Variants in AVEN observed in about 807,000 individuals in gnomAD.
AVEN encodes cell death regulator Aven.
AVEN carries 41 observed loss-of-function variants against 38.1 expected under a neutral mutation model. The observed-to-expected ratio is 1.08, with a 90% confidence interval of 0.84 to 1.40. The LOEUF (loss-of-function observed/expected upper bound fraction) is 1.40, where lower values mean the gene tolerates loss of function less well. Among genes scored for constraint, AVEN ranks in the 40% most tolerant of loss-of-function variants. The pLI is 0.00. For synonymous variants in AVEN, 206 were observed against 171.8 expected (o/e 1.20, Z -1.56); for missense variants, 605 against 438.8 (o/e 1.38, Z -3.38).
At chr15:34,006,005 G>A (rs1897320695) in intron 1 of AVEN, among the ~76,000 whole-genome samples, 1 of 152,078 alleles carries the variant, frequency 6.6e-6, no homozygotes, top group Non-Finnish European at 1.5e-5. Flanking sequence ...ACAAATACCA[G>A]GAACATTCTA....
At chr15:33,885,838 C>T (rs1891677492) in intron 2 of AVEN, 2 of 152,182 alleles carry the variant, frequency 1.3e-5, no homozygotes. Context: ...CAGCTGTTTT[C>T]CCCAAAACAG....
At chr15:33,983,193 T>A (rs1896252532) in intron 2 of AVEN, among the ~76,000 whole-genome samples, 1 of 55,040 alleles carries the variant, frequency 1.8e-5, no homozygotes, top group Non-Finnish European at 2.8e-5. Context: ...CGTGTGTGTA[T>A]GTGTGTGTAT....
At chr15:33,868,359 TAAACAAACAAAC>T (rs113504638) in intron 4 of AVEN, among the ~76,000 whole-genome samples, 6 of 150,874 alleles carry the variant, frequency 4.0e-5, no homozygotes, top group South Asian at 2.1e-4. Context: ...CTGTCTCTAC[TAAACAAACAAAC>T]AAACAAACAA....
intron 1 of AVEN, among the ~76,000 whole-genome samples, chr15:34,014,954 G>C (rs1350251547): frequency 1.3e-5 from 2 of 152,090 alleles, no homozygotes; most frequent in Non-Finnish European, 2.9e-5. Flanking sequence ...AGGGGGTGAG[G>C]GGTGCCGGAT....
chr15:33,942,540 C>T (rs1240093847), intron 2 of AVEN, among the ~76,000 whole-genome samples: 2 of 151,896 alleles, frequency 1.3e-5, no homozygotes, highest in Non-Finnish European at 2.9e-5. Context: ...AAGCTCCGCC[C>T]CCCGGATTCA....
chr15:33,912,262 C>G (rs1892945086), intron 2 of AVEN, among the ~76,000 whole-genome samples: 1 of 152,304 alleles, frequency 6.6e-6, no homozygotes, highest in African/African-American at 2.4e-5. Flanking sequence ...GTGCTCCCTA[C>G]ACGTTGGCTG....
intron 2 of AVEN, among the ~76,000 whole-genome samples, chr15:33,886,404 G>C (rs1229573176): frequency 3.3e-5 from 5 of 152,222 alleles, no homozygotes; most frequent in Non-Finnish European, 4.4e-5. Flanking sequence ...CCAGGTTCAA[G>C]TGAGTCTCCT....
At chr15:33,912,246 A>T (rs1360783851) in intron 2 of AVEN, among the ~76,000 whole-genome samples, 1 of 152,078 alleles carries the variant, frequency 6.6e-6, no homozygotes, top group Non-Finnish European at 1.5e-5. Flanking sequence ...AGAGGCATAA[A>T]TATTAGTGCT....
chr15:33,864,040 G>A (rs574286113), downstream of AVEN: 275 of 822,144 alleles, frequency 3.3e-4, no homozygotes, highest in Non-Finnish European at 3.9e-4. Context: ...AGATAGCGTG[G>A]GACCAACTAG....
intron 1 of AVEN, among the ~76,000 whole-genome samples, chr15:34,029,517 C>CAAAAAAAA (rs66519745): frequency 1.7e-5 from 2 of 118,694 alleles, no homozygotes; most frequent in Non-Finnish European, 1.7e-5. Context: ...CCTATTTCTA[C>CAAAAAAAA]AAAAAAAAAA....
At chr15:34,014,863 G>A (rs1162389488) in intron 1 of AVEN, among the ~76,000 whole-genome samples, 1 of 152,172 alleles carries the variant, frequency 6.6e-6, no homozygotes, top group African/African-American at 2.4e-5. Flanking sequence ...ACTCCACTCT[G>A]AAGAAAAACT....
intron 1 of AVEN, among the ~76,000 whole-genome samples, chr15:34,004,639 T>C (rs566288593): frequency 3.9e-5 from 6 of 152,188 alleles, no homozygotes; most frequent in Non-Finnish European, 5.9e-5. Flanking sequence ...CACTGAACTC[T>C]TTATGGATGA....
chr15:34,053,319 A>AAAAAATATAT (rs775436850), intron 5 of AVEN, among the ~76,000 whole-genome samples: 3 of 42,100 alleles, frequency 7.1e-5, no homozygotes, highest in African/African-American at 2.4e-4. Flanking sequence ...AAAAAAAAAA[A>AAAAAATATAT]ATATATATAT....
chr15:34,037,848 C>T (rs1455341580), intron 1 of AVEN, among the ~76,000 whole-genome samples: 1 of 152,020 alleles, frequency 6.6e-6, no homozygotes, highest in Non-Finnish European at 1.5e-5. Flanking sequence ...ATTGTAAATA[C>T]TTCAGTAAGA....
At chr15:33,927,118 G>A (rs540668796) in intron 2 of AVEN, among the ~76,000 whole-genome samples, 1 of 152,124 alleles carries the variant, frequency 6.6e-6, no homozygotes, top group African/African-American at 2.4e-5. Context: ...AGCCGGGTGT[G>A]GTGGCGGGCG....
chr15:34,003,377 C>A (rs924144278), intron 1 of AVEN, among the ~76,000 whole-genome samples, 168 bp from the exon 2 acceptor site: 1 of 152,184 alleles, frequency 6.6e-6, no homozygotes. Flanking sequence ...CCAGAGTGTT[C>A]TTTTAGGGTG....
intron 5 of AVEN, among the ~76,000 whole-genome samples, chr15:34,053,319 A>AAAAAAAT (rs775436850): frequency 3.6e-4 from 15 of 42,086 alleles, no homozygotes; most frequent in Non-Finnish European, 5.2e-4. Flanking sequence ...AAAAAAAAAA[A>AAAAAAAT]ATATATATAT....
chr15:33,863,688 G>C (rs1889362410), downstream of AVEN, among the ~76,000 whole-genome samples: 1 of 152,210 alleles, frequency 6.6e-6, no homozygotes, highest in South Asian at 2.1e-4. Flanking sequence ...GAATCTCCAT[G>C]AGATTAAATA....
At chr15:33,920,026 A>G (rs1893330983) in intron 2 of AVEN, among the ~76,000 whole-genome samples, 1 of 152,066 alleles carries the variant, frequency 6.6e-6, no homozygotes, top group South Asian at 2.1e-4. Flanking sequence ...CATCAGAACT[A>G]ACTACTCACG....
Sources: gnomAD v4.1 joint callset for allele counts (sites outside exome capture counted in the v4.1 genomes callset) on GRCh38, gnomAD v4.1.1 for gene constraint, MANE v1.5 for transcripts, NCBI Gene and HGNC (gene_info 2026-07-23, HGNC 2026-07-21) for gene names.